RNF2: variants seen among roughly 807,000 people sequenced by gnomAD.
RNF2 encodes the protein ring finger protein 2.
Under a neutral mutation model 37.2 loss-of-function variants are expected in RNF2, and 6 were observed. That is an observed-to-expected ratio of 0.16 (90% confidence interval 0.09 to 0.32). RNF2 has a LOEUF of 0.32. RNF2 is among the 10% of genes least tolerant of loss of function. The probability of loss-of-function intolerance (pLI) is 1.00; values close to 1 mark genes in which losing one functional copy is unlikely to be tolerated. For synonymous variants in RNF2, 133 were observed against 132.7 expected, an observed-to-expected ratio of 1.00 and a Z score of -0.02; for missense variants, 251 against 404.0, an observed-to-expected ratio of 0.62 and a Z score of 3.25.
intron 1 of RNF2, among the ~76,000 whole-genome samples, chr1:185,051,220 T>A (rs978845896): frequency 6.6e-6 from 1 of 152,222 alleles, no homozygotes; most frequent in South Asian, 2.1e-4. Context: ...CTATATAGAG[T>A]CTTATTCAGT....
intron 2 of RNF2, among the ~76,000 whole-genome samples, chr1:185,090,663 G>A (rs2102198780): frequency 6.6e-6 from 1 of 152,278 alleles, no homozygotes; most frequent in South Asian, 2.1e-4. Context: ...GGAGCGTATT[G>A]AAAGCCACTT....
At chr1:185,045,711 T>C (rs1022137143) in intron 1 of RNF2, 62 bp downstream of exon 1, 4 of 150,084 alleles carry the variant, frequency 2.7e-5, no homozygotes, top group African/African-American at 9.8e-5. Flanking sequence ...ACGCGTCTAC[T>C]CGGCAGCGTT....
chr1:185,076,265 GTTGTTTTTTTTTTTTTTTT>G, intron 1 of RNF2, among the ~76,000 whole-genome samples: 1 of 39,554 alleles, frequency 2.5e-5, no homozygotes, highest in East Asian at 6.7e-4. Context: ...TCTTTTATGG[GTTGTTTTTTTTTTTTTTTT>G]TTTTTTTTTT....
At chr1:185,062,161 A>G (rs542955699) in intron 1 of RNF2, among the ~76,000 whole-genome samples, 1 of 152,290 alleles carries the variant, frequency 6.6e-6, no homozygotes, top group South Asian at 2.1e-4. Context: ...TAGCTTTGTG[A>G]CAGTTGTGTT....
Position 185,101,167 on chromosome 1 carries a change from C to A in RNF2, c.*866C>A, listed in dbSNP as rs1469156945. 6.6e-6 allele frequency: 1 copy of A among 152,420 alleles called. No homozygotes were observed. Among genetic ancestry groups the A allele is most frequent in the African/African-American group, 2.4e-5 (1 of 41,418 alleles). The allele number at this position is 152,420 out of a possible 1,614,324, so 9.4% of individuals were successfully genotyped here. ...CCAGAGATAATGGAGATATTTTGCA[C>A]TTTAGCCTTGATGAAAAGTACAAGA... On this transcript the variant is annotated 3_prime_UTR_variant, in exon 7 of 7. Coordinates refer to ENST00000367510, the MANE Select transcript of RNF2 (RefSeq NM_007212.4).
At chr1:185,089,923 C>T (rs529828860) in intron 2 of RNF2, among the ~76,000 whole-genome samples, 18 of 151,860 alleles carry the variant, frequency 1.2e-4, no homozygotes, top group South Asian at 4.2e-4. Flanking sequence ...CCCAGCTACT[C>T]GGGAGGCTTT....
At chr1:185,065,253 A>G (rs549687595) in intron 1 of RNF2, among the ~76,000 whole-genome samples, 2 of 152,314 alleles carry the variant, frequency 1.3e-5, no homozygotes, top group African/African-American at 4.8e-5. Context: ...TAGCTAAAGG[A>G]TTGTAAATGC....
At chr1:185,068,114 C>T (rs1345667885) in intron 1 of RNF2, among the ~76,000 whole-genome samples, 2 of 152,110 alleles carry the variant, frequency 1.3e-5, no homozygotes, top group African/African-American at 4.8e-5. Context: ...AGCGATTCTC[C>T]TGCCTCAGCC....
chr1:185,048,197 CAGGCAGG>C (rs912028222), intron 1 of RNF2, among the ~76,000 whole-genome samples: 3 of 152,110 alleles, frequency 2.0e-5, no homozygotes. Flanking sequence ...AGTGTGTTGC[CAGGCAGG>C]AGCTAGGTGA....
intron 1 of RNF2, among the ~76,000 whole-genome samples, chr1:185,078,518 A>T (rs1340846729): frequency 6.6e-6 from 1 of 152,040 alleles, no homozygotes; most frequent in African/African-American, 2.4e-5. Flanking sequence ...GAAGGTCCCT[A>T]GTTTAACTCA....
At chr1:185,073,988 G>C (rs1437263984) in intron 1 of RNF2, among the ~76,000 whole-genome samples, 1 of 152,166 alleles carries the variant, frequency 6.6e-6, no homozygotes, top group East Asian at 1.9e-4. Flanking sequence ...ATGTACTTCT[G>C]ACCAATTGGC....
At chr1:185,067,699 A>G (rs1309095535) in intron 1 of RNF2, among the ~76,000 whole-genome samples, 1 of 150,154 alleles carries the variant, frequency 6.7e-6, no homozygotes, top group Non-Finnish European at 1.5e-5. Flanking sequence ...TAAGTAATTT[A>G]AAAGTATCCT....
intron 1 of RNF2, among the ~76,000 whole-genome samples, chr1:185,084,481 A>G (rs1044128404): frequency 6.6e-6 from 1 of 152,202 alleles, no homozygotes; most frequent in African/African-American, 2.4e-5. Context: ...CACGTTTCAG[A>G]TAGTTTGAGG....
chr1:185,047,275 G>A (rs954601697), intron 1 of RNF2, among the ~76,000 whole-genome samples: 2 of 152,190 alleles, frequency 1.3e-5, no homozygotes, highest in African/African-American at 2.4e-5. Context: ...TGAAAAATAA[G>A]CTAGTTGTCC....
intron 1 of RNF2, among the ~76,000 whole-genome samples, chr1:185,046,680 T>G (rs760817375): frequency 5.6e-4 from 85 of 152,226 alleles, no homozygotes; most frequent in Non-Finnish European, 1.1e-3. Context: ...GATATACATA[T>G]GCACTCAGTA....
rs539060821 is a variant in RNF2, at chr1:185,082,003, T to C, written c.-2-5549T>C. On this transcript the variant is annotated intron_variant, in intron 1 of 6. Transcript: ENST00000367510. ...TTTGGAAGTGCTTCAGTCCAACCACTGAGCGGGTCGTCACTAGTTACCAAA... is the reference window on the plus strand; with the variant it reads ...TTTGGAAGTGCTTCAGTCCAACCACCGAGCGGGTCGTCACTAGTTACCAAA... 5.3e-5 allele frequency among the ~76,000 whole-genome samples: 8 copies of C among 152,306 alleles called. No individual in the cohort carries two copies. The South Asian group carries it at 1.7e-3, about 32-fold the overall frequency.
chr1:185,081,467 C>T (rs957453952), intron 1 of RNF2, among the ~76,000 whole-genome samples: 6 of 151,018 alleles, frequency 4.0e-5, no homozygotes, highest in African/African-American at 1.5e-4. Flanking sequence ...AATCTTGGCT[C>T]ACTGCAACGT....
intron 1 of RNF2, among the ~76,000 whole-genome samples, chr1:185,074,364 G>A (rs1277500045): frequency 6.6e-6 from 1 of 152,114 alleles, no homozygotes; most frequent in Non-Finnish European, 1.5e-5. Flanking sequence ...TGGGACTGTA[G>A]GGGTAGGATG....
At chr1:185,078,571 G>C (rs1269170572) in intron 1 of RNF2, among the ~76,000 whole-genome samples, 3 of 152,144 alleles carry the variant, frequency 2.0e-5, no homozygotes, top group African/African-American at 7.2e-5. Context: ...TCTGAGTGAT[G>C]TACTTAGTGA....
Sources: allele counts gnomAD v4.1 joint callset (sites outside exome capture counted in the v4.1 genomes callset), GRCh38; gene constraint gnomAD v4.1.1; transcripts MANE v1.5; gene names NCBI Gene and HGNC (gene_info 2026-07-23, HGNC 2026-07-21).